The following GPR143 variants were observed in gnomAD, a reference collection of about 807,000 sequenced individuals.
The protein encoded by GPR143 is G protein-coupled receptor 143, also known as G-protein coupled receptor 143.
Under a neutral mutation model 27.6 loss-of-function variants are expected in GPR143, and 8 were observed. The ratio of observed to expected loss-of-function variants is 0.29; its 90% CI spans 0.17 to 0.52. GPR143 has a LOEUF of 0.52. GPR143 is among the 20% of genes least tolerant of loss of function. The pLI is 0.96. For synonymous variants in GPR143, 156 were observed against 153.2 expected (o/e 1.02, Z -0.13); for missense variants, 303 against 343.1 (o/e 0.88, Z 0.92).
intron 1 of GPR143, among the ~76,000 whole-genome samples, chrX:9,777,705 T>A (rs1334882767): frequency 9.1e-6 from 1 of 109,963 alleles, no homozygotes; most frequent in Non-Finnish European, 1.9e-5. Flanking sequence ...ACCTGAAGCA[T>A]CTGGGATGTG....
chrX:9,754,845 G>A (rs1447495445), intron 3 of GPR143, among the ~76,000 whole-genome samples: 5 of 111,172 alleles, frequency 4.5e-5, no homozygotes, highest in African/African-American at 1.6e-4. Flanking sequence ...TTTTCTCCCA[G>A]CTTCCTTCCA....
chrX:9,758,301 C>T (rs2083481290), intron 3 of GPR143, among the ~76,000 whole-genome samples: 1 of 111,897 alleles, frequency 8.9e-6, no homozygotes, highest in African/African-American at 3.3e-5. Context: ...GAGCTGGCAA[C>T]GTTTCAGGAC....
chrX:9,743,489 G>A (rs112940000), intron 6 of GPR143, 76 bp downstream of exon 6: 51 of 594,637 alleles, frequency 8.6e-5, no homozygotes, highest in African/African-American at 6.0e-4. Flanking sequence ...TTCTGGTCAC[G>A]CATGCAACAT....
At chrX:9,762,401 A>G (rs777090295) in intron 1 of GPR143, among the ~76,000 whole-genome samples, 1 of 110,978 alleles carries the variant, frequency 9.0e-6, no homozygotes, top group Admixed American at 9.7e-5. Context: ...GAAAAAAAAA[A>G]GTATGCTAGG....
rs202208682 is a variant in GPR143, at chrX:9,725,467, AC to A, written c.*278del. The A allele has an allele frequency of 5.1e-3, 1,649 of 323,885 alleles. 26 individuals are homozygous for A. Among genetic ancestry groups the A allele is most frequent in the African/African-American group, 0.04 (1,538 of 38,231 alleles). The allele number at this position is 323,885 out of a possible 1,213,427, so 26.7% of individuals were successfully genotyped here. ...CCCCAAGGATGTGGACCTTACACTT[AC>A]TTTACAGCCAGCCTCAGAAAACTTC... is the stretch of plus-strand genomic sequence containing the variant. On this transcript the variant is annotated 3_prime_UTR_variant, in exon 9 of 9. Coordinates refer to ENST00000467482, the MANE Select transcript of GPR143 (RefSeq NM_000273.3).
At chrX:9,747,330 T>C (rs772190622) in intron 4 of GPR143, among the ~76,000 whole-genome samples, 101 of 110,876 alleles carry the variant, frequency 9.1e-4, no homozygotes, top group Non-Finnish European at 1.5e-3. Flanking sequence ...AAGGATAAGA[T>C]GCTTAAAAGG....
chrX:9,748,537 G>A, intron 4 of GPR143, 37 bp downstream of exon 4: 1 of 916,709 alleles, frequency 1.1e-6, no homozygotes. Context: ...TATGAGCCAA[G>A]GATGGGGCTG....
At chrX:9,732,756 C>T (rs913944135) in intron 8 of GPR143, among the ~76,000 whole-genome samples, 4 of 106,842 alleles carry the variant, frequency 3.7e-5, no homozygotes, top group Middle Eastern at 4.8e-3. Context: ...CCAGCTACTC[C>T]GGAGGCTGAG....
chrX:9,740,781 G>C (rs868149429), intron 7 of GPR143: 105 of 278,288 alleles, frequency 3.8e-4, no homozygotes, highest in Middle Eastern at 2.8e-3. Flanking sequence ...TGGAACTCCA[G>C]GTTGCCTATA....
intron 1 of GPR143, among the ~76,000 whole-genome samples, chrX:9,761,329 A>G (rs1230164445): frequency 2.7e-5 from 3 of 112,361 alleles, no homozygotes; most frequent in Admixed American, 9.4e-5. Flanking sequence ...CCTGACCTCA[A>G]GTGATCTGTC....
chrX:9,741,997 C>T (rs1356539455), intron 6 of GPR143, among the ~76,000 whole-genome samples: 1 of 112,354 alleles, frequency 8.9e-6, no homozygotes, highest in Admixed American at 9.4e-5. Context: ...ATCAGCAAAT[C>T]CTTCCAATGG....
At chrX:9,777,861 C>T (rs974882401) in intron 1 of GPR143, among the ~76,000 whole-genome samples, 3 of 108,023 alleles carry the variant, frequency 2.8e-5, no homozygotes, top group Admixed American at 1.0e-4. Flanking sequence ...GAGGCCGAGG[C>T]GGGAGGATCA....
chrX:9,767,211 T>C (rs1442221517), upstream of GPR143, among the ~76,000 whole-genome samples: 2 of 109,754 alleles, frequency 1.8e-5, no homozygotes, highest in Non-Finnish European at 1.9e-5. Context: ...AAAATAGAAG[T>C]GCTCCTTCTA....
At chrX:9,731,802 G>A (rs969514992) in intron 8 of GPR143, among the ~76,000 whole-genome samples, 10 of 99,934 alleles carry the variant, frequency 1.0e-4, no homozygotes, top group South Asian at 6.2e-4. Context: ...GGAATTGGGG[G>A]GGGGGGGAAG....
intron 8 of GPR143, among the ~76,000 whole-genome samples, chrX:9,727,880 C>T (rs2083335322): frequency 1.8e-5 from 2 of 112,826 alleles, no homozygotes; most frequent in African/African-American, 6.4e-5. Flanking sequence ...CTGCCTCTCT[C>T]CCTCTCACTC....
chrX:9,771,267 C>G (rs1226077408), intron 1 of GPR143, among the ~76,000 whole-genome samples: 1 of 111,899 alleles, frequency 8.9e-6, no homozygotes, highest in Non-Finnish European at 1.9e-5. Flanking sequence ...TGCTATGTTG[C>G]CCAGGCTGGT....
At chrX:9,738,435 T>C in intron 8 of GPR143, 2 of 748,113 alleles carry the variant, frequency 2.7e-6, no homozygotes, top group African/African-American at 4.6e-5. Context: ...AGTCTGTAAA[T>C]AAATCTTCTC....
At chrX:9,770,323 A>AAGAGAGAGAGAGAGAGAGAGAGAG (rs201287124), upstream of GPR143, among the ~76,000 whole-genome samples, 4 of 89,001 alleles carry the variant, frequency 4.5e-5, no homozygotes, top group African/African-American at 1.9e-4. Context: ...AAGAAAGAAA[A>AAGAGAGAGAGAGAGAGAGAGAGAG]AGAGAGAGAG....
intron 8 of GPR143, among the ~76,000 whole-genome samples, chrX:9,732,158 A>G (rs888559749): frequency 1.8e-5 from 2 of 112,022 alleles, no homozygotes; most frequent in African/African-American, 6.5e-5. Context: ...CCAGAGAACC[A>G]TGGGAAAGAC....
Sources: gnomAD v4.1 joint callset for allele counts (sites outside exome capture counted in the v4.1 genomes callset) on GRCh38, gnomAD v4.1.1 for gene constraint, MANE v1.5 for transcripts, NCBI Gene and HGNC (gene_info 2026-07-23, HGNC 2026-07-21) for gene names.